The following ERGIC2 variants were observed in gnomAD, a reference collection of about 807,000 sequenced individuals.
ERGIC2 encodes the protein endoplasmic reticulum-Golgi intermediate compartment protein 2.
A neutral mutation model predicts 52.5 loss-of-function variants in ERGIC2; 31 were observed. The observed-to-expected ratio is 0.59, with a 90% CI of 0.44 to 0.80. The LOEUF is 0.80. Ranked by LOEUF, ERGIC2 falls within the 30% of genes least tolerant of loss-of-function variation. The pLI, the probability that ERGIC2 is intolerant of heterozygous loss-of-function variation, is 0.00. For missense variants in ERGIC2, 395 were observed against 455.2 expected, an observed-to-expected ratio of 0.87 and a Z score of 1.20; for synonymous variants, 129 against 140.6, an observed-to-expected ratio of 0.92 and a Z score of 0.58.
chr12:29,376,718 A>AT (rs1940520175), intron 1 of ERGIC2, among the ~76,000 whole-genome samples: 1 of 152,126 alleles, frequency 6.6e-6, no homozygotes, highest in Non-Finnish European at 1.5e-5. Context: ...TCATTGCTCC[A>AT]TTCCCACTCT....
At chr12:29,361,923 T>C (rs1248477043) in intron 5 of ERGIC2, among the ~76,000 whole-genome samples, 3 of 152,190 alleles carry the variant, frequency 2.0e-5, no homozygotes, top group East Asian at 1.9e-4. Flanking sequence ...GTTATCGACA[T>C]TTACAGGAAT....
chr12:29,343,381 G>A, intron 11 of ERGIC2, 99 bp from the exon 12 acceptor site: 1 of 858,620 alleles, frequency 1.2e-6, no homozygotes, highest in South Asian at 2.7e-5. Flanking sequence ...AAGCCCTGAA[G>A]CCCTACTGTA....
At chr12:29,366,985 G>A in intron 4 of ERGIC2, 38 bp from the exon 5 acceptor site, 1 of 1,343,636 alleles carries the variant, frequency 7.4e-7, no homozygotes, top group Non-Finnish European at 1.0e-6. Flanking sequence ...TACATTCTAT[G>A]CTTGGAGGCA....
At chr12:29,378,801 C>A (rs1190144553) in intron 1 of ERGIC2, among the ~76,000 whole-genome samples, 1 of 152,120 alleles carries the variant, frequency 6.6e-6, no homozygotes, top group Non-Finnish European at 1.5e-5. Flanking sequence ...TAGGCACTTA[C>A]TAGTTGTGTG....
At chr12:29,368,137 A>G in intron 4 of ERGIC2, 104 bp downstream of exon 4, 1 of 735,524 alleles carries the variant, frequency 1.4e-6, no homozygotes, top group Non-Finnish European at 2.4e-6. Flanking sequence ...ACTTTAAAAT[A>G]TTATAAAGGA....
intron 8 of ERGIC2, 45 bp from the exon 9 acceptor site, chr12:29,350,113 T>C: frequency 1.8e-6 from 2 of 1,097,918 alleles, no homozygotes; most frequent in Non-Finnish European, 2.7e-6. Flanking sequence ...CATTTATATG[T>C]ATAATTAATT....
At chr12:29,363,034 T>TG (rs1287615617) in intron 5 of ERGIC2, among the ~76,000 whole-genome samples, 3 of 152,224 alleles carry the variant, frequency 2.0e-5, no homozygotes, top group African/African-American at 7.2e-5. Flanking sequence ...GTAGGCCCTA[T>TG]GCTAATTCAT....
chr12:29,362,945 CTA>C (rs1175842161), intron 5 of ERGIC2, among the ~76,000 whole-genome samples: 2 of 152,178 alleles, frequency 1.3e-5, no homozygotes, highest in Admixed American at 6.5e-5. Context: ...ACAGTGGCGA[CTA>C]TATGATTTTT....
intron 1 of ERGIC2, among the ~76,000 whole-genome samples, chr12:29,378,129 G>C (rs1012704614): frequency 2.0e-5 from 3 of 152,152 alleles, no homozygotes; most frequent in African/African-American, 7.2e-5. Context: ...TACTGGATCA[G>C]GGTGCTCCAA....
intron 1 of ERGIC2, chr12:29,380,501 C>T (rs1386462542): frequency 6.6e-6 from 1 of 152,142 alleles, no homozygotes; most frequent in Admixed American, 6.5e-5. Context: ...ATAAACAAGG[C>T]TATTCTCCAC....
intron 11 of ERGIC2, among the ~76,000 whole-genome samples, chr12:29,344,570 G>A (rs928742219): frequency 6.6e-6 from 1 of 151,868 alleles, no homozygotes; most frequent in African/African-American, 2.4e-5. Context: ...ACATATATAT[G>A]CAGTTATATG....
chr12:29,365,056 G>A (rs1447245706), intron 5 of ERGIC2, among the ~76,000 whole-genome samples: 1 of 151,854 alleles, frequency 6.6e-6, no homozygotes, highest in Non-Finnish European at 1.5e-5. Context: ...AATTTGGAGA[G>A]TTCTCAAAGA....
chr12:29,369,216 C>T (rs554806269), intron 3 of ERGIC2, among the ~76,000 whole-genome samples: 153 of 151,970 alleles, frequency 1.0e-3, no homozygotes, highest in Non-Finnish European at 2.1e-3. Flanking sequence ...CCTCACCATG[C>T]TTATGTGGCG....
chr12:29,360,001 T>C (rs1044489731), intron 6 of ERGIC2, among the ~76,000 whole-genome samples: 52 of 152,052 alleles, frequency 3.4e-4, no homozygotes, highest in African/African-American at 1.3e-3. Context: ...GAAAAAAACC[T>C]CACAACTGAT....
At chr12:29,346,314 G>C (rs1015125407) in intron 10 of ERGIC2, among the ~76,000 whole-genome samples, 4 of 150,820 alleles carry the variant, frequency 2.7e-5, no homozygotes, top group Non-Finnish European at 5.9e-5. Flanking sequence ...TCAGCCTCCT[G>C]CGTAGCTGGG....
In ERGIC2 at chr12:29,345,549, CA is replaced by C. The variant is rs755445911; in HGVS notation, c.728-10del. The C allele has an allele frequency of 8.0e-5, 118 of 1,468,250 alleles. No homozygotes were observed. In the South Asian group the frequency reaches 9.1e-4, roughly 11 times the overall value. The allele number at this position is 1,468,250 out of a possible 1,614,324, so 91.0% of individuals were successfully genotyped here. A position where few individuals can be genotyped will look rare whatever the true frequency, so the allele number is the denominator to read the frequency against. On this transcript the variant is annotated splice_polypyrimidine_tract_variant and intron_variant, in intron 10 of 13. Coordinates refer to ENST00000360150, the MANE Select transcript of ERGIC2 (RefSeq NM_016570.3). ...TTGGAACATCTGGTTGTCTAGAATA[CA>C]AAAAAAACTTTTTATCAATTCAGTA...
At chr12:29,348,672 A>C (rs1340747096) in intron 10 of ERGIC2, among the ~76,000 whole-genome samples, 2 of 151,970 alleles carry the variant, frequency 1.3e-5, no homozygotes, top group African/African-American at 4.8e-5. Flanking sequence ...GAAATGATAT[A>C]TATGCATTTT....
In ERGIC2 at chr12:29,357,607, A is replaced by G. The variant is rs779874699; in HGVS notation, c.476+16T>C. The G allele has an allele frequency of 7.6e-7, 1 of 1,323,854 alleles. No individual in the cohort carries two copies. Among genetic ancestry groups the G allele is most frequent in the Non-Finnish European group, 1.1e-6 (1 of 926,666 alleles). The allele number at this position is 1,323,854 out of a possible 1,614,324, so 82.0% of individuals were successfully genotyped here. A position where few individuals can be genotyped will look rare whatever the true frequency, so the allele number is the denominator to read the frequency against. On this transcript the variant is annotated intron_variant, in intron 7 of 13. Coordinates refer to ENST00000360150, the MANE Select transcript of ERGIC2 (RefSeq NM_016570.3). Reference sequence around the variant, plus strand: ...ATTCATAATAAACAGTTGCACATTTAAAATACAGATCTCACCTTGGTGGAA... The same window carrying G: ...ATTCATAATAAACAGTTGCACATTTGAAATACAGATCTCACCTTGGTGGAA...
chr12:29,339,828 A>C lies in ERGIC2; in HGVS notation c.*1328T>G, dbSNP rs1286023879. 6.6e-6 allele frequency: 1 copy of C among 152,124 alleles called. No homozygotes were observed. Among genetic ancestry groups the C allele is most frequent in the Non-Finnish European group, 1.5e-5 (1 of 67,984 alleles). 9.4% of individuals were successfully genotyped at this position (152,124 alleles called of 1,614,324 possible). ...TTTCTAAAACCACTATTTTAAATCT[A>C]GTTTTTCAGTCTTGTTATTTACCTG... On this transcript the variant is annotated 3_prime_UTR_variant, in exon 14 of 14. Transcript: ENST00000360150.
Sources: allele counts gnomAD v4.1 joint callset (sites outside exome capture counted in the v4.1 genomes callset), GRCh38; gene constraint gnomAD v4.1.1; transcripts MANE v1.5; gene names NCBI Gene and HGNC (gene_info 2026-07-23, HGNC 2026-07-21).